The following MAK16 variants were observed in gnomAD, a reference collection of about 807,000 sequenced individuals.
MAK16 encodes MAK16 homolog, also known as protein MAK16 homolog.
In MAK16, 12 loss-of-function variants were observed where a neutral mutation model predicts 49.9. The observed-to-expected ratio is 0.24, with a 90% CI of 0.15 to 0.39. The LOEUF (loss-of-function observed/expected upper bound fraction) is 0.39, where lower values mean the gene tolerates loss of function less well. Among genes scored for constraint, MAK16 ranks in the 10% least tolerant of loss-of-function variants. The pLI is 1.00. For synonymous variants in MAK16, 115 were observed against 126.4 expected (o/e 0.91, Z 0.60); for missense variants, 292 against 363.7 (o/e 0.80, Z 1.60).
chr8:33,485,577 G>C (rs1808675190), intron 1 of MAK16: 4 of 379,300 alleles, frequency 1.1e-5, no homozygotes, highest in Non-Finnish European at 2.0e-5. Context: ...CTGACTCCAA[G>C]TTTAAGCGTC....
chr8:33,497,239 G>T lies in MAK16; in HGVS notation c.647G>T (p.Gly216Val), dbSNP rs771306234. 1.2e-6 allele frequency: 2 copies of T among 1,610,164 alleles called. No homozygotes were observed. The highest frequency in any genetic ancestry group is 2.2e-5 in the South Asian group (2 of 90,986). The change falls in exon 9 of 10, where the codon GGG (glycine) becomes GTG (valine). Residue 216 changes from glycine to valine, a missense_variant. Coordinates refer to ENST00000360128, the MANE Select transcript of MAK16 (RefSeq NM_032509.4). ...GTTATGTTTTATTTATAGGATGTGG[G>T]GAAAAGAGAATTTGTCGAAGATGGT... ...DDDDDDEEDV[G>V]KREFVEDGEV...
At chr8:33,494,465 C>T (rs2128824444) in intron 6 of MAK16, among the ~76,000 whole-genome samples, 1 of 152,306 alleles carries the variant, frequency 6.6e-6, no homozygotes, top group Non-Finnish European at 1.5e-5. Flanking sequence ...TCAGTGTCAT[C>T]TATGAATCCG....
rs1466186962 is a variant in MAK16 at position 33,498,677 on chromosome 8, T to G, written c.*48T>G. On this transcript the variant is annotated 3_prime_UTR_variant, in exon 10 of 10. Transcript: ENST00000360128. ...CAGGACTGAACATGCAGAACTGTTTTTTTTTTTTTTTTATCTTAAACACAT... is the reference window on the plus strand; with the variant it reads ...CAGGACTGAACATGCAGAACTGTTTGTTTTTTTTTTTTATCTTAAACACAT... 5.3e-6 allele frequency: 8 copies of G among 1,503,350 alleles called. No individual in the cohort carries two copies. In the East Asian group the frequency reaches 1.4e-4, roughly 26 times the overall value. 93.1% of individuals were successfully genotyped at this position (1,503,350 alleles called of 1,614,324 possible).
intron 9 of MAK16, among the ~76,000 whole-genome samples, chr8:33,497,736 C>T (rs966691029): frequency 3.3e-5 from 5 of 151,474 alleles, no homozygotes; most frequent in East Asian, 2.0e-4. Context: ...TCTGGTAATC[C>T]GCCTGCCTCA....
rs778583006 is a variant in MAK16, at chr8:33,488,784, C to T, written c.226C>T (p.Arg76Cys). ...KVIERAAFPR[R>C]LWERVRLSKN... is the part of the protein sequence containing the mutation. Reference sequence around the variant, plus strand: ...TATAGAACGAGCGGCTTTTCCTCGGCGTCTCTGGGAACGGGTAAGCCTTAC... The same window carrying T: ...TATAGAACGAGCGGCTTTTCCTCGGTGTCTCTGGGAACGGGTAAGCCTTAC... The change falls in exon 4 of 10, where the codon CGT becomes TGT. Residue 76 changes from arginine (R) to cysteine (C), a missense_variant. Transcript: ENST00000360128. The T allele has an allele frequency of 5.0e-6, 8 of 1,614,144 alleles. No homozygotes were observed. Among genetic ancestry groups the T allele is most frequent in the Non-Finnish European group, 6.8e-6 (8 of 1,180,010 alleles).
Position 33,488,435 on chromosome 8 carries a change from T to C in MAK16, c.65+8T>C, listed in dbSNP as rs1441450757. 4 of 1,614,188 alleles carry C rather than the reference T, an allele frequency of 2.5e-6. No homozygotes were observed. The highest frequency in any genetic ancestry group is 3.3e-5 in the Admixed American group (2 of 60,028). On this transcript the variant is annotated splice_region_variant and intron_variant, in intron 2 of 9. Coordinates refer to ENST00000360128, the MANE Select transcript of MAK16 (RefSeq NM_032509.4). ...TTGTTCCTTCAAAATAAGGTGAGTCTCAATTTACAACTTGGTCAAAGATTC... is the reference window on the plus strand; with the variant it reads ...TTGTTCCTTCAAAATAAGGTGAGTCCCAATTTACAACTTGGTCAAAGATTC...
At chr8:33,487,856 C>G (rs1011485102) in intron 1 of MAK16, among the ~76,000 whole-genome samples, 25 of 152,170 alleles carry the variant, frequency 1.6e-4, no homozygotes, top group African/African-American at 6.0e-4. Flanking sequence ...AATTTTATCT[C>G]TGGGTAATGG....
At chr8:33,485,270 T>C (rs1386419524) in intron 1 of MAK16, 49 bp downstream of exon 1, 1 of 1,613,994 alleles carries the variant, frequency 6.2e-7, no homozygotes, top group Admixed American at 1.7e-5. Flanking sequence ...GCAGGGAATT[T>C]TGCCCATTTT....
chr8:33,499,056 A>G lies in MAK16; in HGVS notation c.*427A>G, dbSNP rs1808958880. ...AGGTAAAAGGAAAGGAAGGAAGGAA[A>G]AAGCAGCTTTCACTTACAAAGTTTC... is the stretch of plus-strand genomic sequence containing the variant. On this transcript the variant is annotated 3_prime_UTR_variant, in exon 10 of 10. Coordinates refer to ENST00000360128, the MANE Select transcript of MAK16 (RefSeq NM_032509.4). 3 of 865,360 alleles carry G rather than the reference A, an allele frequency of 3.5e-6. No homozygotes were observed. Among genetic ancestry groups the G allele is most frequent in the African/African-American group, 1.7e-5 (1 of 59,610 alleles). 53.6% of individuals were successfully genotyped at this position (865,360 alleles called of 1,614,324 possible). A position where few individuals can be genotyped will look rare whatever the true frequency, so the allele number is the denominator to read the frequency against.
rs748766828 is a variant in MAK16, at chr8:33,488,623, G to A, written c.169G>A (p.Glu57Lys). Residue 57 changes from glutamate to lysine, a missense_variant, in exon 3 of 10, where the codon GAG (glutamate) becomes AAG (lysine). Physicochemically the swap from Glu to Lys is moderately conservative, Grantham distance 56. Coordinates refer to ENST00000360128, the MANE Select transcript of MAK16 (RefSeq NM_032509.4). ...ANSQYATIKEEKGQCYLYMKV... is the reference protein window; with the variant it reads ...ANSQYATIKEKKGQCYLYMKV... ...TAGTCAGTATGCCACTATTAAAGAA[G>A]AGAAAGGTAACTCCCCAGTTTTAAC... is the stretch of plus-strand genomic sequence containing the variant. The A allele has an allele frequency of 6.2e-7, 1 of 1,614,016 alleles. No individual in the cohort carries two copies. The highest frequency in any genetic ancestry group is 1.1e-5 in the South Asian group (1 of 91,082).
intron 1 of MAK16, among the ~76,000 whole-genome samples, chr8:33,487,226 A>G (rs1381213835): frequency 6.6e-6 from 1 of 152,200 alleles, no homozygotes; most frequent in East Asian, 1.9e-4. Context: ...TTTAAAGAGT[A>G]TACTTTCTTT....
At chr8:33,488,962 T>G (rs770359031) in intron 4 of MAK16, 26 bp from the exon 5 acceptor site, 1 of 1,614,016 alleles carries the variant, frequency 6.2e-7, no homozygotes, top group Non-Finnish European at 8.5e-7. Context: ...CACTTGCCCT[T>G]CAAACTTCCT....
chr8:33,497,533 C>T lies in MAK16; in HGVS notation c.705+236C>T, dbSNP rs188099238. ...TTTTAGATGAAGTTTCGCTCTGTAG[C>T]TCAGGCTAGAGTGCCATAGTGCAAT... On this transcript the variant is annotated intron_variant, in intron 9 of 9. Transcript: ENST00000360128. 9.8e-4 allele frequency among the ~76,000 whole-genome samples: 149 copies of T among 151,790 alleles called. 1 individual carries two copies. The highest frequency in any genetic ancestry group is 3.5e-3 in the African/African-American group (144 of 41,430).
intron 6 of MAK16, among the ~76,000 whole-genome samples, chr8:33,491,133 G>A (rs185478815): frequency 9.9e-5 from 15 of 152,228 alleles, no homozygotes; most frequent in Non-Finnish European, 1.8e-4. Context: ...TTTAATGGCT[G>A]GATAGTACTC....
chr8:33,492,656 T>G (rs1349081430), intron 6 of MAK16, among the ~76,000 whole-genome samples: 1 of 152,186 alleles, frequency 6.6e-6, no homozygotes, highest in Non-Finnish European at 1.5e-5. Flanking sequence ...AGAGACTGTC[T>G]TTTCCCTAGT....
chr8:33,497,156 A>C (rs1156552857), intron 8 of MAK16, 76 bp from the exon 9 acceptor site: 1 of 1,090,734 alleles, frequency 9.2e-7, no homozygotes, highest in Non-Finnish European at 1.4e-6. Context: ...TCATTATGTT[A>C]TTTTGTACTT....
intron 6 of MAK16, among the ~76,000 whole-genome samples, chr8:33,492,861 G>A (rs948207245): frequency 6.7e-6 from 1 of 149,718 alleles, no homozygotes; most frequent in South Asian, 2.1e-4. Context: ...TGTTTTTTTT[G>A]TTGTTTTTTT....
chr8:33,497,986 C>A (rs1808904999), intron 9 of MAK16, among the ~76,000 whole-genome samples: 1 of 151,404 alleles, frequency 6.6e-6, no homozygotes, highest in South Asian at 2.1e-4. Context: ...ATCCCTGCTA[C>A]TTGGGAGGCT....
chr8:33,497,101 TAGAA>T (rs1193378252), intron 8 of MAK16, 127 bp from the exon 9 acceptor site: 5 of 651,332 alleles, frequency 7.7e-6, no homozygotes, highest in Admixed American at 5.9e-5. Context: ...GCATTAAATT[TAGAA>T]AGAACTAAAT....
Sources: gnomAD v4.1 joint callset for allele counts (sites outside exome capture counted in the v4.1 genomes callset) on GRCh38, gnomAD v4.1.1 for gene constraint, MANE v1.5 for transcripts, NCBI Gene and HGNC (gene_info 2026-07-23, HGNC 2026-07-21) for gene names.